CRIM1: variants seen among roughly 807,000 people sequenced by gnomAD.
The protein encoded by CRIM1 is cysteine-rich motor neuron 1 protein.
CRIM1 carries 32 observed loss-of-function variants against 116.4 expected under a neutral mutation model. The observed-to-expected ratio is 0.27, with a 90% CI of 0.21 to 0.37. The LOEUF (loss-of-function observed/expected upper bound fraction) is 0.37. CRIM1 is among the 10% of genes least tolerant of loss of function. The pLI, the probability that CRIM1 is intolerant of heterozygous loss-of-function variation, is 1.00. For missense variants in CRIM1, 1,331 were observed against 1,354.8 expected (o/e 0.98, Z 0.28); for synonymous variants, 590 against 509.2 (o/e 1.16, Z -2.13).
At chr2:36,439,787 C>T (rs771201094) in intron 2 of CRIM1, among the ~76,000 whole-genome samples, 3 of 152,208 alleles carry the variant, frequency 2.0e-5, no homozygotes, top group Non-Finnish European at 4.4e-5. Flanking sequence ...GTTTTCCCCT[C>T]ATAGCACATA....
intron 5 of CRIM1, among the ~76,000 whole-genome samples, chr2:36,469,646 T>TAA (rs1491108936): frequency 2.0e-5 from 3 of 148,392 alleles, no homozygotes; most frequent in African/African-American, 7.8e-5. Flanking sequence ...CTGTTAATTT[T>TAA]CAAAAAAAAA....
intron 8 of CRIM1, among the ~76,000 whole-genome samples, chr2:36,508,755 C>T (rs1481676536): frequency 6.6e-6 from 1 of 151,958 alleles, no homozygotes; most frequent in Non-Finnish European, 1.5e-5. Flanking sequence ...TCTCGTAAGC[C>T]CTATATAACC....
chr2:36,529,003 A>G (rs1286943457), intron 13 of CRIM1: 2 of 380,074 alleles, frequency 5.3e-6, no homozygotes, highest in African/African-American at 2.1e-5. Context: ...TTAACTTGGG[A>G]AAAACCCCTA....
At chr2:36,545,249 G>A (rs963568691) in intron 15 of CRIM1, among the ~76,000 whole-genome samples, 1 of 152,144 alleles carries the variant, frequency 6.6e-6, no homozygotes. Context: ...TGTTACTCTA[G>A]ATATTCTAAA....
chr2:36,383,193 C>T (rs1670915506), intron 1 of CRIM1, among the ~76,000 whole-genome samples: 2 of 152,100 alleles, frequency 1.3e-5, no homozygotes, highest in Admixed American at 1.3e-4. Flanking sequence ...GTGATGCATA[C>T]CTGTTATATT....
intron 1 of CRIM1, chr2:36,378,226 A>G (rs1464699185): frequency 4.4e-6 from 2 of 453,340 alleles, no homozygotes; most frequent in Admixed American, 2.4e-5. Context: ...TGTTCAGTAA[A>G]TGTATTTTAA....
At chr2:36,481,624 C>G (rs1045177516) in intron 7 of CRIM1, among the ~76,000 whole-genome samples, 2 of 152,136 alleles carry the variant, frequency 1.3e-5, no homozygotes, top group African/African-American at 4.8e-5. Flanking sequence ...ACATTTGTAC[C>G]CAATTTCATT....
intron 12 of CRIM1, 125 bp downstream of exon 12, chr2:36,517,667 C>A: frequency 1.2e-6 from 1 of 868,496 alleles, no homozygotes; most frequent in South Asian, 1.8e-5. Flanking sequence ...AGTATCCCAT[C>A]AGGAACAGCT....
At position 36,413,272 on chromosome 2, in the gene CRIM1, C is replaced by T. The variant is rs146375473; in HGVS notation, c.505+16485C>T. On this transcript the variant is annotated intron_variant, in intron 2 of 16. Coordinates refer to ENST00000280527, the MANE Select transcript of CRIM1 (RefSeq NM_016441.3). ...GAGGGCCACAAAAAACATCCACTTA[C>T]CACTTTGAAATATGTAAGCCCTTTA... 3.4e-3 allele frequency among the ~76,000 whole-genome samples: 524 copies of T among 152,284 alleles called. 6 individuals carry two copies. Among genetic ancestry groups the T allele is most frequent in the African/African-American group, 0.012 (498 of 41,572 alleles).
At chr2:36,379,461 G>T (rs1670562517) in intron 1 of CRIM1, among the ~76,000 whole-genome samples, 1 of 152,170 alleles carries the variant, frequency 6.6e-6, no homozygotes. Context: ...CTCTGCTGGG[G>T]TACAAAAATC....
intron 1 of CRIM1, among the ~76,000 whole-genome samples, chr2:36,385,770 C>T (rs1232533676): frequency 6.6e-6 from 1 of 152,132 alleles, no homozygotes; most frequent in East Asian, 1.9e-4. Flanking sequence ...TCCTCATGTC[C>T]CCTGCTGGGT....
chr2:36,356,689 C>T lies in CRIM1; in HGVS notation c.331+66C>T, dbSNP rs899571887. ...GCCGCCCCCTCGGCGCTGGTTGTGC[C>T]GAACAAAGTTTGGGCGAGACTTTCT... On this transcript the variant is annotated intron_variant, in intron 1 of 16. Transcript: ENST00000280527. This position sits in a 1 kb window ranked among gnomAD's most constrained non-coding sequence, Gnocchi z 4.3. 2.7e-6 allele frequency: 4 copies of T among 1,487,764 alleles called. No individual in the cohort carries two copies. The South Asian group carries it at 3.8e-5, about 14-fold the overall frequency. The allele number at this position is 1,487,764 out of a possible 1,614,324, so 92.2% of individuals were successfully genotyped here.
intron 13 of CRIM1, among the ~76,000 whole-genome samples, chr2:36,528,661 G>A (rs949620820): frequency 4.6e-5 from 7 of 152,156 alleles, no homozygotes; most frequent in African/African-American, 1.7e-4. Flanking sequence ...GGACCTACAC[G>A]GAGGCCCAGG....
intron 2 of CRIM1, among the ~76,000 whole-genome samples, chr2:36,438,790 G>A (rs1274931787): frequency 1.3e-5 from 2 of 152,198 alleles, no homozygotes; most frequent in Non-Finnish European, 2.9e-5. Context: ...TCCTGAGACA[G>A]GAGTCATATT....
intron 2 of CRIM1, among the ~76,000 whole-genome samples, chr2:36,399,612 T>C (rs2148386705): frequency 6.6e-6 from 1 of 152,266 alleles, no homozygotes; most frequent in South Asian, 2.1e-4. Context: ...ATAGGGGTAA[T>C]TATTTTAGGG....
intron 4 of CRIM1, among the ~76,000 whole-genome samples, chr2:36,449,674 C>T (rs1463491866): frequency 6.6e-6 from 1 of 152,040 alleles, no homozygotes; most frequent in Non-Finnish European, 1.5e-5. Flanking sequence ...TTTGACTTTC[C>T]AAAAGCCTTT....
intron 3 of CRIM1, 31 bp from the exon 4 acceptor site, chr2:36,442,584 T>C: frequency 1.2e-6 from 2 of 1,613,936 alleles, no homozygotes; most frequent in Non-Finnish European, 1.7e-6. Context: ...AATATAACAA[T>C]AAACGGTGCC....
At chr2:36,534,320 A>G (rs1666346813) in intron 13 of CRIM1, among the ~76,000 whole-genome samples, 1 of 118,268 alleles carries the variant, frequency 8.5e-6, no homozygotes, top group Admixed American at 8.4e-5. Context: ...GGGGGAAGGA[A>G]AGAAGGAGAA....
At chr2:36,520,422 A>G (rs776168781) in intron 12 of CRIM1, among the ~76,000 whole-genome samples, 3 of 152,256 alleles carry the variant, frequency 2.0e-5, no homozygotes, top group Non-Finnish European at 4.4e-5. Flanking sequence ...AGCCAAAGCA[A>G]AAGTTAGCAC....
Sources: allele counts gnomAD v4.1 joint callset (sites outside exome capture counted in the v4.1 genomes callset), GRCh38; gene constraint gnomAD v4.1.1; non-coding constraint Gnocchi (gnomAD v3.1); transcripts MANE v1.5; gene names NCBI Gene and HGNC (gene_info 2026-07-23, HGNC 2026-07-21).